GRID1: variants seen among roughly 807,000 people sequenced by gnomAD.
GRID1 encodes the protein glutamate ionotropic receptor delta type subunit 1.
In GRID1, 28 loss-of-function variants were observed where a neutral mutation model predicts 98.0. The ratio of observed to expected loss-of-function variants is 0.29; its 90% CI spans 0.21 to 0.39. GRID1 has a LOEUF of 0.39. Ranked by LOEUF, GRID1 falls within the 10% of genes least tolerant of loss-of-function variation. The pLI is 1.00. For missense variants in GRID1, 1,111 were observed against 1,340.5 expected (o/e 0.83, Z 2.67); for synonymous variants, 553 against 538.5 (o/e 1.03, Z -0.37).
At chr10:85,824,460 C>T (rs1339505373) in intron 8 of GRID1, among the ~76,000 whole-genome samples, 1 of 152,222 alleles carries the variant, frequency 6.6e-6, no homozygotes, top group African/African-American at 2.4e-5. Flanking sequence ...GATCTGCCCG[C>T]CTTGGCCTCC....
At chr10:85,889,469 A>C (rs906609207) in intron 5 of GRID1, among the ~76,000 whole-genome samples, 2 of 152,196 alleles carry the variant, frequency 1.3e-5, no homozygotes, top group Non-Finnish European at 2.9e-5. Context: ...TTTACTTAAC[A>C]TAATGTCTCC....
intron 2 of GRID1, among the ~76,000 whole-genome samples, chr10:86,274,231 G>A (rs1250348608): frequency 9.2e-5 from 14 of 152,186 alleles, no homozygotes; most frequent in Middle Eastern, 3.4e-3. Context: ...GTAGATATGC[G>A]GCATTATTTC....
At chr10:86,056,236 G>A (rs1843570520) in intron 4 of GRID1, among the ~76,000 whole-genome samples, 2 of 152,202 alleles carry the variant, frequency 1.3e-5, no homozygotes, top group African/African-American at 4.8e-5. Flanking sequence ...CAGACTTGGA[G>A]GGCATTAACT....
intron 12 of GRID1, among the ~76,000 whole-genome samples, chr10:85,659,417 G>A (rs1840939399): frequency 1.3e-5 from 2 of 152,216 alleles, no homozygotes; most frequent in Non-Finnish European, 2.9e-5. Context: ...TCATGTGGCT[G>A]AGAACCCAAC....
chr10:85,809,388 C>T (rs1309622346), intron 8 of GRID1, among the ~76,000 whole-genome samples: 1 of 152,180 alleles, frequency 6.6e-6, no homozygotes, highest in Non-Finnish European at 1.5e-5. Flanking sequence ...GCCACACCTA[C>T]TTAAACACAT....
intron 4 of GRID1, among the ~76,000 whole-genome samples, chr10:86,096,990 A>G (rs1844229843): frequency 6.6e-6 from 1 of 152,204 alleles, no homozygotes; most frequent in Non-Finnish European, 1.5e-5. Flanking sequence ...CTGCTGGCCT[A>G]GAGGTCTTAG....
intron 3 of GRID1, among the ~76,000 whole-genome samples, chr10:86,198,613 CA>C (rs1845907854): frequency 6.6e-6 from 1 of 152,148 alleles, no homozygotes; most frequent in Non-Finnish European, 1.5e-5. Context: ...CGCAATTTTA[CA>C]AATGAAAAAA....
intron 8 of GRID1, among the ~76,000 whole-genome samples, chr10:85,819,075 ACTGAT>A (rs1231815753): frequency 6.6e-6 from 1 of 152,116 alleles, no homozygotes; most frequent in Non-Finnish European, 1.5e-5. Flanking sequence ...ATGAGTTCAT[ACTGAT>A]ATAATGCATG....
intron 2 of GRID1, among the ~76,000 whole-genome samples, chr10:86,286,268 A>G (rs191043084): frequency 6.6e-6 from 1 of 152,324 alleles, no homozygotes; most frequent in Non-Finnish European, 1.5e-5. Flanking sequence ...ACAGATGAGG[A>G]AACAAGCATG....
chr10:85,880,292 T>C (rs569289451), intron 5 of GRID1, among the ~76,000 whole-genome samples: 1 of 152,282 alleles, frequency 6.6e-6, no homozygotes, highest in South Asian at 2.1e-4. Context: ...ATCATCCTGA[T>C]ACCAAAGCTG....
intron 2 of GRID1, among the ~76,000 whole-genome samples, chr10:86,218,833 C>A (rs1416204743): frequency 2.6e-5 from 4 of 152,230 alleles, no homozygotes; most frequent in African/African-American, 9.6e-5. Flanking sequence ...CTGCACTGAG[C>A]ACCCTCAGGA....
chr10:85,880,309 G>A (rs1176714149), intron 5 of GRID1, among the ~76,000 whole-genome samples: 3 of 152,088 alleles, frequency 2.0e-5, no homozygotes, highest in African/African-American at 7.2e-5. Context: ...GCTGGGCAGA[G>A]ACACAACCAA....
chr10:85,952,501 G>T (rs1222126784), intron 4 of GRID1, among the ~76,000 whole-genome samples: 1 of 152,144 alleles, frequency 6.6e-6, no homozygotes, highest in Non-Finnish European at 1.5e-5. Context: ...GATATCAATT[G>T]CAATATTACT....
rs190645400 is a variant in GRID1, at chr10:86,213,177, G to A, written c.236-6529C>T. The stretch of plus-strand genomic sequence containing the variant: ...TTACAGAATCCCTCTCTTTCCTTAT[G>A]TAGCCTGGCTGCTGAAATCCCAACT... On this transcript the variant is annotated intron_variant, in intron 2 of 15. Coordinates refer to ENST00000327946, the MANE Select transcript of GRID1 (RefSeq NM_017551.3). Among the ~76,000 whole-genome samples the A allele has an allele frequency of 1.1e-4, 17 of 152,146 alleles. No homozygotes were observed. In the East Asian group the frequency reaches 3.3e-3, roughly 29 times the overall value.
rs118175283 is a variant in GRID1, at chr10:86,341,521, C to T, written c.235+22420G>A. ...TGAGCATCCTCCCCCACAGGGCTCCCGGCCACGGCTTTCCCTCAGCCTGAG... is the reference window on the plus strand; with the variant it reads ...TGAGCATCCTCCCCCACAGGGCTCCTGGCCACGGCTTTCCCTCAGCCTGAG... On this transcript the variant is annotated intron_variant, in intron 2 of 15. Coordinates refer to ENST00000327946, the MANE Select transcript of GRID1 (RefSeq NM_017551.3). Among the ~76,000 whole-genome samples, 337 of 152,290 alleles carry T rather than the reference C, an allele frequency of 2.2e-3. 8 individuals are homozygous for T. The East Asian group carries it at 0.054, about 24-fold the overall frequency.
At chr10:85,940,516 T>C (rs537099110) in intron 4 of GRID1, among the ~76,000 whole-genome samples, 348 of 152,234 alleles carry the variant, frequency 2.3e-3, no homozygotes, top group African/African-American at 7.4e-3. Flanking sequence ...GAAAAAGAAA[T>C]TGGAGAAACA....
chr10:85,895,941 C>T (rs954524973), intron 5 of GRID1, among the ~76,000 whole-genome samples: 77 of 151,802 alleles, frequency 5.1e-4, no homozygotes, highest in African/African-American at 1.8e-3. Flanking sequence ...GGGGGAAAAA[C>T]GAACATGGAC....
At chr10:86,141,592 G>A (rs899052217) in intron 3 of GRID1, among the ~76,000 whole-genome samples, 2 of 152,214 alleles carry the variant, frequency 1.3e-5, no homozygotes, top group African/African-American at 4.8e-5. Context: ...GCCAATGAGG[G>A]TTTCTCCCTG....
chr10:85,986,881 T>C (rs1842614781), intron 4 of GRID1, among the ~76,000 whole-genome samples: 1 of 152,206 alleles, frequency 6.6e-6, no homozygotes, highest in Admixed American at 6.5e-5. Flanking sequence ...GAGTCTGTTC[T>C]GCTCTGTTCA....
Sources: allele counts gnomAD v4.1 joint callset (sites outside exome capture counted in the v4.1 genomes callset), GRCh38; gene constraint gnomAD v4.1.1; transcripts MANE v1.5; gene names NCBI Gene and HGNC (gene_info 2026-07-23, HGNC 2026-07-21).